The following PDE5A variants were observed in gnomAD, a reference collection of about 807,000 sequenced individuals.
The protein encoded by PDE5A is cGMP-specific 3',5'-cyclic phosphodiesterase.
PDE5A carries 67 observed loss-of-function variants against 110.2 expected under a neutral mutation model. That is an observed-to-expected ratio of 0.61 (90% CI 0.50 to 0.75). The LOEUF (loss-of-function observed/expected upper bound fraction) is 0.75, where lower values mean the gene tolerates loss of function less well. Among genes scored for constraint, PDE5A ranks in the 30% least tolerant of loss-of-function variants. The pLI is 0.00. For missense variants in PDE5A, 862 were observed against 1,045.1 expected, an observed-to-expected ratio of 0.82 and a Z score of 2.42; for synonymous variants, 328 against 351.2, an observed-to-expected ratio of 0.93 and a Z score of 0.74.
intron 20 of PDE5A, chr4:119,499,743 G>A (rs968388186): frequency 6.6e-6 from 1 of 152,088 alleles, no homozygotes; most frequent in East Asian, 1.9e-4. Context: ...TTTTTGTAGG[G>A]ATGGGGTTTC....
intron 5 of PDE5A, among the ~76,000 whole-genome samples, chr4:119,564,083 AAAGCT>A (rs1318060886): frequency 6.6e-6 from 1 of 151,996 alleles, no homozygotes; most frequent in African/African-American, 2.4e-5. Flanking sequence ...AATAATCTGA[AAAGCT>A]TATAGACACA....
intron 16 of PDE5A, 107 bp from the exon 17 acceptor site, chr4:119,506,039 T>C: frequency 1.9e-6 from 1 of 525,020 alleles, no homozygotes; most frequent in Non-Finnish European, 3.3e-6. Context: ...AAACCTCTGA[T>C]TTTTTTTCCC....
intron 11 of PDE5A, among the ~76,000 whole-genome samples, chr4:119,530,378 G>A (rs1045262213): frequency 8.5e-5 from 13 of 152,080 alleles, no homozygotes; most frequent in Admixed American, 8.5e-4. Flanking sequence ...TTATCCTACA[G>A]GTTGGTGAAT....
At chr4:119,516,101 C>T (rs569324446) in intron 14 of PDE5A, among the ~76,000 whole-genome samples, 53 of 152,218 alleles carry the variant, frequency 3.5e-4, no homozygotes, top group African/African-American at 1.2e-3. Flanking sequence ...TATATTTATC[C>T]TTTCTCCTTT....
chr4:119,496,567 GACACAT>G lies in PDE5A; in HGVS notation c.*2028_*2033del, dbSNP rs1020592705. ...CCATGTCTTTAAAAAATTTCTCAGT[GACACAT>G]ACTAGAGGGGACCAAACAAACTACT... is the stretch of plus-strand genomic sequence containing the variant. On this transcript the variant is annotated 3_prime_UTR_variant, in exon 21 of 21. Transcript: ENST00000354960. 6.6e-6 allele frequency: 1 copy of G among 152,436 alleles called. No individual in the cohort carries two copies. The highest frequency in any genetic ancestry group is 2.4e-5 in the African/African-American group (1 of 41,420). 9.4% of individuals were successfully genotyped at this position (152,436 alleles called of 1,614,324 possible). A position where few individuals can be genotyped will look rare whatever the true frequency, so the allele number is the denominator to read the frequency against.
chr4:119,598,495 T>C (rs1213109893), intron 2 of PDE5A, among the ~76,000 whole-genome samples: 6 of 152,188 alleles, frequency 3.9e-5, no homozygotes, highest in African/African-American at 1.4e-4. Context: ...CTACAATCAT[T>C]GTGATTATTC....
intron 11 of PDE5A, among the ~76,000 whole-genome samples, chr4:119,535,858 G>C (rs1021792381): frequency 5.9e-5 from 9 of 152,202 alleles, no homozygotes; most frequent in African/African-American, 1.9e-4. Flanking sequence ...TAAAAATTAA[G>C]AAAATATTTG....
At chr4:119,547,589 T>C in intron 9 of PDE5A, among the ~76,000 whole-genome samples, 1 of 152,008 alleles carries the variant, frequency 6.6e-6, no homozygotes, top group Non-Finnish European at 1.5e-5. Flanking sequence ...CTACATAATT[T>C]CCTCTGAGTA....
In PDE5A at chr4:119,588,457, G is replaced by A. The variant is rs1453552962; in HGVS notation, c.831+8066C>T. Reference sequence around the variant, plus strand: ...CTCCCAAAGTGCTTGGATTACAGGCGTGAGCCACCGCGCCTAGCCTACCTC... The same window carrying A: ...CTCCCAAAGTGCTTGGATTACAGGCATGAGCCACCGCGCCTAGCCTACCTC... On this transcript the variant is annotated intron_variant, in intron 3 of 20. Transcript: ENST00000354960. 4.0e-5 allele frequency among the ~76,000 whole-genome samples: 6 copies of A among 150,518 alleles called. 1 individual carries two copies. The highest frequency in any genetic ancestry group is 4.2e-4 in the South Asian group (2 of 4,782).
chr4:119,566,785 T>G (rs913744682), intron 4 of PDE5A, among the ~76,000 whole-genome samples: 1 of 152,178 alleles, frequency 6.6e-6, no homozygotes, highest in African/African-American at 2.4e-5. Context: ...ATGATATAGT[T>G]AAAATACCAT....
chr4:119,586,158 T>C (rs1728757452), intron 3 of PDE5A, among the ~76,000 whole-genome samples: 1 of 152,260 alleles, frequency 6.6e-6, no homozygotes, highest in Non-Finnish European at 1.5e-5. Flanking sequence ...ATAGTACTCA[T>C]GATTATCAAA....
rs577650569 is a variant in PDE5A, at chr4:119,501,074, A to C, written c.2490+96T>G. The stretch of plus-strand genomic sequence containing the variant: ...TAATAATTTTATTTCTTGATTTAGA[A>C]GCAAAATATAGGCGCCTAATATTAA... On this transcript the variant is annotated intron_variant, in intron 20 of 20. Coordinates refer to ENST00000354960, the MANE Select transcript of PDE5A (RefSeq NM_001083.4). The C allele has an allele frequency of 1.5e-5, 11 of 714,692 alleles. No individual in the cohort carries two copies. In the African/African-American group the frequency reaches 2.0e-4, roughly 13 times the overall value. The allele number at this position is 714,692 out of a possible 1,614,324, so 44.3% of individuals were successfully genotyped here.
intron 3 of PDE5A, among the ~76,000 whole-genome samples, chr4:119,588,418 C>T (rs1324299635): frequency 6.6e-6 from 1 of 151,524 alleles, no homozygotes; most frequent in Non-Finnish European, 1.5e-5. Flanking sequence ...CTCGAGTGAT[C>T]CACCCCCCTT....
At chr4:119,522,170 T>C (rs561714643) in intron 12 of PDE5A, among the ~76,000 whole-genome samples, 2 of 152,242 alleles carry the variant, frequency 1.3e-5, no homozygotes, top group Non-Finnish European at 2.9e-5. Flanking sequence ...ATTTTATTCC[T>C]GTTCTATTGC....
chr4:119,622,908 T>G (rs1730209175), intron 1 of PDE5A, among the ~76,000 whole-genome samples: 1 of 151,364 alleles, frequency 6.6e-6, no homozygotes, highest in African/African-American at 2.4e-5. Context: ...TTTAAAATAT[T>G]TTTAGAATTT....
intron 1 of PDE5A, among the ~76,000 whole-genome samples, chr4:119,620,288 G>T (rs1167927598): frequency 2.6e-5 from 4 of 152,182 alleles, no homozygotes; most frequent in Non-Finnish European, 5.9e-5. Flanking sequence ...AGGAAATGAA[G>T]AGTCTGCCCA....
At position 119,627,910 on chromosome 4, in the gene PDE5A, C is replaced by T. The variant is rs927358717; in HGVS notation, c.152+610G>A. 4 of 360,316 alleles carry T rather than the reference C, an allele frequency of 1.1e-5. No homozygotes were observed. The highest frequency in any genetic ancestry group is 1.5e-5 in the Non-Finnish European group (4 of 258,372). 22.3% of individuals were successfully genotyped at this position (360,316 alleles called of 1,614,324 possible). A position where few individuals can be genotyped will look rare whatever the true frequency, so the allele number is the denominator to read the frequency against. ...CTCTGCAGAGCTCTACTTTTGGCGG[C>T]ACAGCCTTCGGCGGAAAAGCGAGTG... On this transcript the variant is annotated intron_variant, in intron 1 of 20. Transcript: ENST00000354960. The surrounding 1 kb of genome is among the most constrained non-coding windows in gnomAD (Gnocchi z 4.6).
At chr4:119,514,379 T>C (rs2110464460) in intron 14 of PDE5A, among the ~76,000 whole-genome samples, 1 of 152,272 alleles carries the variant, frequency 6.6e-6, no homozygotes, top group East Asian at 1.9e-4. Flanking sequence ...TACTCTGGGC[T>C]CAATTCTCTA....
At chr4:119,588,352 A>G (rs1163288135) in intron 3 of PDE5A, among the ~76,000 whole-genome samples, 1 of 150,736 alleles carries the variant, frequency 6.6e-6, no homozygotes, top group Non-Finnish European at 1.5e-5. Context: ...TAATTTTTGT[A>G]TTTTTCGTAG....
Sources: allele counts gnomAD v4.1 joint callset (sites outside exome capture counted in the v4.1 genomes callset), GRCh38; gene constraint gnomAD v4.1.1; non-coding constraint Gnocchi (gnomAD v3.1); transcripts MANE v1.5; gene names NCBI Gene and HGNC (gene_info 2026-07-23, HGNC 2026-07-21).